Variants in GUCY1A2 observed in about 807,000 individuals in gnomAD.
GUCY1A2 encodes the protein guanylate cyclase soluble subunit alpha-2.
GUCY1A2 carries 27 observed loss-of-function variants against 63.5 expected under a neutral mutation model. That is an observed-to-expected ratio of 0.43 (90% CI 0.31 to 0.59). The LOEUF is 0.59. GUCY1A2 is among the 20% of genes least tolerant of loss of function. The pLI is 0.11. For missense variants in GUCY1A2, 768 were observed against 913.3 expected, an observed-to-expected ratio of 0.84 and a Z score of 2.05; for synonymous variants, 364 against 343.5, an observed-to-expected ratio of 1.06 and a Z score of -0.66.
In GUCY1A2 at chr11:106,681,752, A is replaced by G. The variant is rs928685591; in HGVS notation, c.*5797T>C. The G allele has an allele frequency of 4.6e-6, 1 of 219,318 alleles. No homozygotes were observed. The highest frequency in any genetic ancestry group is 9.1e-6 in the Non-Finnish European group (1 of 109,306). The allele number at this position is 219,318 out of a possible 1,614,324, so 13.6% of individuals were successfully genotyped here. On this transcript the variant is annotated 3_prime_UTR_variant, in exon 8 of 8. Transcript: ENST00000526355. ...ATGTTTCTGTTTTCACAAAGGCTCT[A>G]TGAAATGCAAAGAAGTGCAAGCTTC... is the stretch of plus-strand genomic sequence containing the variant.
chr11:106,979,780 T>C lies in GUCY1A2; in HGVS notation c.366-1040A>G, dbSNP rs138366249. On this transcript the variant is annotated intron_variant, in intron 2 of 7. Coordinates refer to ENST00000526355, the MANE Select transcript of GUCY1A2 (RefSeq NM_000855.3). ...AAGGGGTAGCCAAGAAGACCAGAGC[T>C]CTTCTTCAGGACTTAAGAGGAGACT... Among the ~76,000 whole-genome samples, 415 of 152,252 alleles carry C rather than the reference T, an allele frequency of 2.7e-3. 16 individuals are homozygous for C. The East Asian group carries it at 0.064, about 24-fold the overall frequency.
At chr11:106,884,490 G>C (rs1019666145) in intron 4 of GUCY1A2, among the ~76,000 whole-genome samples, 5 of 152,092 alleles carry the variant, frequency 3.3e-5, no homozygotes, top group Middle Eastern at 3.2e-3. Flanking sequence ...GGAAGTTTGA[G>C]AGGTGTACAG....
chr11:106,792,677 C>G (rs1223085858), intron 5 of GUCY1A2, among the ~76,000 whole-genome samples: 1 of 150,280 alleles, frequency 6.7e-6, no homozygotes, highest in Non-Finnish European at 1.5e-5. Flanking sequence ...TGGGCAAAAG[C>G]TGGAAGCATT....
chr11:106,876,989 T>C (rs1859758562), intron 4 of GUCY1A2, among the ~76,000 whole-genome samples: 2 of 151,984 alleles, frequency 1.3e-5, no homozygotes, highest in South Asian at 4.1e-4. Flanking sequence ...CTGGGCCCAG[T>C]AAAAATCACA....
intron 6 of GUCY1A2, among the ~76,000 whole-genome samples, chr11:106,724,849 C>T (rs867807539): frequency 1.3e-5 from 2 of 152,128 alleles, no homozygotes; most frequent in Admixed American, 6.5e-5. Context: ...TCAAGCCCTT[C>T]GCATCTATTA....
At chr11:106,725,156 T>G (rs977006498) in intron 6 of GUCY1A2, among the ~76,000 whole-genome samples, 1 of 21,240 alleles carries the variant, frequency 4.7e-5, no homozygotes, top group Admixed American at 4.3e-4. Context: ...TAAATTCTTT[T>G]TTTTTTTTTT....
At chr11:106,689,991 C>T (rs1363137479) in intron 7 of GUCY1A2, among the ~76,000 whole-genome samples, 1 of 129,802 alleles carries the variant, frequency 7.7e-6, no homozygotes, top group African/African-American at 3.1e-5. Flanking sequence ...GAGACTCAGT[C>T]TCAAAAAAAA....
chr11:106,924,300 T>C (rs1231002591), intron 4 of GUCY1A2, among the ~76,000 whole-genome samples: 1 of 152,230 alleles, frequency 6.6e-6, no homozygotes, highest in Non-Finnish European at 1.5e-5. Context: ...AATGGACAAC[T>C]TCTTTATACC....
At chr11:106,995,085 A>G (rs1042981452) in intron 1 of GUCY1A2, among the ~76,000 whole-genome samples, 2 of 152,170 alleles carry the variant, frequency 1.3e-5, no homozygotes, top group Non-Finnish European at 2.9e-5. Flanking sequence ...GCCTTTTGGT[A>G]GACGTGGCTT....
intron 1 of GUCY1A2, among the ~76,000 whole-genome samples, chr11:106,991,661 C>G (rs1301654261): frequency 6.6e-6 from 1 of 152,208 alleles, no homozygotes; most frequent in East Asian, 1.9e-4. Context: ...GAGATGGATA[C>G]TCATAACCGC....
chr11:106,957,300 T>C (rs1490973365), intron 3 of GUCY1A2, among the ~76,000 whole-genome samples: 1 of 149,656 alleles, frequency 6.7e-6, no homozygotes, highest in Non-Finnish European at 1.5e-5. Context: ...CTGGTGCTGG[T>C]TGCCTCTTCT....
At position 106,944,215 on chromosome 11, in the gene GUCY1A2, C is replaced by CAAAAAAAAAA. The variant is rs71041701; in HGVS notation, c.488-4047_488-4038dup. 8.6e-3 allele frequency among the ~76,000 whole-genome samples: 186 copies of CAAAAAAAAAA among 21,548 alleles called. 30 individuals carry two copies. Among genetic ancestry groups the CAAAAAAAAAA allele is most frequent in the African/African-American group, 0.027 (117 of 4,290 alleles). The allele number at this position is 21,548 out of a possible 152,430, so 14.1% of individuals were successfully genotyped here. Reference sequence around the variant, plus strand: ...GGGCAACAGAGTGAGACCCTGTCTCCAAAAAAAAAAAAAAAAAAAAAGCAG... The same window carrying CAAAAAAAAAA: ...GGGCAACAGAGTGAGACCCTGTCTCCAAAAAAAAAAAAAAAAAAAAAAAAAAAAAAAGCAG... On this transcript the variant is annotated intron_variant, in intron 3 of 7. Transcript: ENST00000526355.
intron 4 of GUCY1A2, among the ~76,000 whole-genome samples, chr11:106,886,872 C>T (rs1859907701): frequency 6.6e-6 from 1 of 152,240 alleles, no homozygotes; most frequent in African/African-American, 2.4e-5. Context: ...TCCTTCAGGA[C>T]AAAGTCCAAA....
At chr11:106,894,744 A>T (rs1339656511) in intron 4 of GUCY1A2, among the ~76,000 whole-genome samples, 2 of 152,194 alleles carry the variant, frequency 1.3e-5, no homozygotes, top group African/African-American at 4.8e-5. Flanking sequence ...AACTTAGGAA[A>T]ATTTGTGATT....
intron 3 of GUCY1A2, among the ~76,000 whole-genome samples, chr11:106,951,582 G>C (rs878977820): frequency 6.6e-6 from 1 of 152,042 alleles, no homozygotes; most frequent in Non-Finnish European, 1.5e-5. Context: ...CTTTATGATG[G>C]GGTTGTTTGG....
intron 7 of GUCY1A2, among the ~76,000 whole-genome samples, chr11:106,688,001 G>A (rs1475741112): frequency 6.6e-6 from 1 of 152,106 alleles, no homozygotes; most frequent in Non-Finnish European, 1.5e-5. Context: ...GAAAATATTT[G>A]TTCAAGATTG....
rs75991498 is a variant in GUCY1A2, at chr11:106,856,754, G to A, written c.1207-46276C>T. ...GTGCATTGTACTGAAATGAGTACCC[G>A]TGGTGATGTGTACCCAGTTCCTTTT... On this transcript the variant is annotated intron_variant, in intron 4 of 7. Transcript: ENST00000526355. Among the ~76,000 whole-genome samples the A allele has an allele frequency of 3.2e-3, 488 of 152,242 alleles. 2 individuals carry two copies. Among genetic ancestry groups the A allele is most frequent in the African/African-American group, 0.011 (456 of 41,544 alleles).
intron 6 of GUCY1A2, among the ~76,000 whole-genome samples, chr11:106,773,334 A>G (rs952277932): frequency 3.3e-5 from 5 of 152,196 alleles, no homozygotes; most frequent in Admixed American, 1.3e-4. Context: ...TGTTTTTGAC[A>G]TTCATCCATG....
intron 4 of GUCY1A2, among the ~76,000 whole-genome samples, chr11:106,839,825 C>T (rs1859171392): frequency 7.8e-6 from 1 of 128,302 alleles, no homozygotes; most frequent in Non-Finnish European, 1.5e-5. Flanking sequence ...CATTTGGACA[C>T]AGGAAGGGGA....
Sources: gnomAD v4.1 joint callset for allele counts (sites outside exome capture counted in the v4.1 genomes callset) on GRCh38, gnomAD v4.1.1 for gene constraint, MANE v1.5 for transcripts, NCBI Gene and HGNC (gene_info 2026-07-23, HGNC 2026-07-21) for gene names.